Variants in FRMD6 observed in about 807,000 individuals in gnomAD.
FRMD6 encodes the protein FERM domain-containing protein 6.
A neutral mutation model predicts 73.2 loss-of-function variants in FRMD6; 37 were observed. That is an observed-to-expected ratio of 0.51 (90% CI 0.39 to 0.66). FRMD6 has a LOEUF of 0.66. FRMD6 is among the 30% of genes least tolerant of loss of function. FRMD6 has a pLI of 0.00. For synonymous variants in FRMD6, 273 were observed against 282.2 expected, an observed-to-expected ratio of 0.97 and a Z score of 0.33; for missense variants, 714 against 780.5, an observed-to-expected ratio of 0.91 and a Z score of 1.02.
chr14:51,438,819 C>G, the FRMD6 span, among the ~76,000 whole-genome samples: 3 of 152,188 alleles, frequency 2.0e-5, no homozygotes, highest in Non-Finnish European at 4.4e-5. Flanking sequence ...ATCAAATAGA[C>G]CTGGTGCTTT....
intron 1 of FRMD6, among the ~76,000 whole-genome samples, chr14:51,685,650 G>A (rs1413363439): frequency 6.6e-6 from 1 of 152,202 alleles, no homozygotes; most frequent in African/African-American, 2.4e-5. Flanking sequence ...CAGTATTTGT[G>A]TACTTAATAC....
Position 51,727,958 on chromosome 14 carries a change from C to T in FRMD6, c.1798C>T (p.Pro600Ser). ...GTGCATCAACATCCAAGATGCTTTT[C>T]CAGTCAAAAGAACCAGCAAATACTT... ...QQCINIQDAF[P>S]VKRTSKYFSL... The change falls in exon 14 of 14, where the codon CCA becomes TCA. Residue 600 changes from proline (P) to serine (S), a missense_variant. Transcript: ENST00000344768. 6.2e-7 allele frequency: 1 copy of T among 1,614,070 alleles called. No individual in the cohort carries two copies. Among genetic ancestry groups the T allele is most frequent in the Non-Finnish European group, 8.5e-7 (1 of 1,179,936 alleles).
chr14:51,459,629 C>T, the FRMD6 span, among the ~76,000 whole-genome samples: 1 of 151,856 alleles, frequency 6.6e-6, no homozygotes, highest in Non-Finnish European at 1.5e-5. Context: ...AGATTGAGAC[C>T]ATCCTGGCTA....
At position 51,625,455 on chromosome 14, in the gene FRMD6, C is replaced by G. The variant is rs982178413; in HGVS notation, c.-147+55045C>G. Reference sequence around the variant, plus strand: ...ATGGCCCTTTTGGGATTCCCCTTATCTTTTTTTTTTGTTGTTGTTGTTAAT... The same window carrying G: ...ATGGCCCTTTTGGGATTCCCCTTATGTTTTTTTTTTGTTGTTGTTGTTAAT... On this transcript the variant is annotated intron_variant, in intron 2 of 14. Transcript: ENST00000356218. Among the ~76,000 whole-genome samples, 3 of 85,470 alleles carry G rather than the reference C, an allele frequency of 3.5e-5. No individual in the cohort carries two copies. The South Asian group carries it at 1.1e-3, about 31-fold the overall frequency. 56.1% of individuals were successfully genotyped at this position (85,470 alleles called of 152,430 possible). A position where few individuals can be genotyped will look rare whatever the true frequency, so the allele number is the denominator to read the frequency against.
intron 1 of FRMD6, among the ~76,000 whole-genome samples, chr14:51,497,530 C>T (rs1435386926): frequency 6.6e-6 from 1 of 152,064 alleles, no homozygotes; most frequent in Non-Finnish European, 1.5e-5. Context: ...ATAATGCAAG[C>T]CACATGTGTG....
At chr14:51,670,926 C>T (rs58190656) in intron 1 of FRMD6, among the ~76,000 whole-genome samples, 2,777 of 152,254 alleles carry the variant, frequency 0.018, 93 homozygotes, top group African/African-American at 0.063. Context: ...GGATTACAGG[C>T]GTGGGCCACC....
the FRMD6 span, among the ~76,000 whole-genome samples, chr14:51,432,285 A>G: frequency 6.6e-6 from 1 of 152,204 alleles, no homozygotes; most frequent in Admixed American, 6.5e-5. Context: ...CATGGAAGTG[A>G]TGCCTAATGT....
intron 2 of FRMD6, among the ~76,000 whole-genome samples, chr14:51,581,561 A>G (rs1289416946): frequency 3.3e-5 from 5 of 152,230 alleles, no homozygotes; most frequent in African/African-American, 1.2e-4. Flanking sequence ...AAGCAAAACA[A>G]ACACATGGTG....
chr14:51,409,185 C>G, the FRMD6 span, among the ~76,000 whole-genome samples: 1 of 152,090 alleles, frequency 6.6e-6, no homozygotes, highest in Non-Finnish European at 1.5e-5. Flanking sequence ...CCTTCTGACC[C>G]TCTGTGTGCA....
chr14:51,436,538 C>G, the FRMD6 span: 1 of 655,328 alleles, frequency 1.5e-6, no homozygotes, highest in South Asian at 1.6e-5. Flanking sequence ...CTTCAAAGTC[C>G]ACTGAAATCA....
At chr14:51,440,049 G>T in the FRMD6 span, among the ~76,000 whole-genome samples, 4 of 152,118 alleles carry the variant, frequency 2.6e-5, no homozygotes, top group Admixed American at 2.6e-4. Flanking sequence ...TTAAAACAAA[G>T]AATTCAGCAG....
intron 2 of FRMD6, among the ~76,000 whole-genome samples, chr14:51,574,439 G>C (rs1398176054): frequency 6.6e-6 from 1 of 152,104 alleles, no homozygotes; most frequent in Non-Finnish European, 1.5e-5. Flanking sequence ...GAGACAAATG[G>C]ATAAAGAAAA....
chr14:51,630,450 CAAAG>C (rs1309231779), intron 2 of FRMD6, among the ~76,000 whole-genome samples: 1 of 151,996 alleles, frequency 6.6e-6, no homozygotes, highest in Non-Finnish European at 1.5e-5. Flanking sequence ...ATTAAAAAAA[CAAAG>C]AAGAAACATT....
chr14:51,593,875 A>G (rs1457146040), intron 2 of FRMD6, among the ~76,000 whole-genome samples: 1 of 152,082 alleles, frequency 6.6e-6, no homozygotes, highest in Non-Finnish European at 1.5e-5. Flanking sequence ...ATATATATGT[A>G]TATATATATG....
chr14:51,535,000 G>C (rs541718167), intron 1 of FRMD6, among the ~76,000 whole-genome samples: 1 of 152,326 alleles, frequency 6.6e-6, no homozygotes, highest in Non-Finnish European at 1.5e-5. Context: ...GGGAAGAGCA[G>C]TGAGCAGTTC....
At chr14:51,591,009 T>C (rs543112427) in intron 2 of FRMD6, among the ~76,000 whole-genome samples, 2 of 152,352 alleles carry the variant, frequency 1.3e-5, no homozygotes. Flanking sequence ...ATCTCACCAA[T>C]TCATTCTCAG....
chr14:51,518,175 T>A (rs1338617435), intron 1 of FRMD6, among the ~76,000 whole-genome samples: 1 of 152,230 alleles, frequency 6.6e-6, no homozygotes, highest in East Asian at 1.9e-4. Context: ...TATCAAAACT[T>A]AATCAAAACT....
At chr14:51,477,722 CTTTCTTTTCTTTTTCTTTTTTTTT>C in the FRMD6 span, among the ~76,000 whole-genome samples, 1 of 127,450 alleles carries the variant, frequency 7.8e-6, no homozygotes, top group African/African-American at 3.0e-5. Context: ...TTCTTTCTTT[CTTTCTTTTCTTTTTCTTTTTTTTT>C]TTTTTTTTTT....
the FRMD6 span, among the ~76,000 whole-genome samples, chr14:51,430,755 C>G: frequency 6.6e-6 from 1 of 152,158 alleles, no homozygotes; most frequent in African/African-American, 2.4e-5. Flanking sequence ...GTTTGCTACC[C>G]TTGGGTGGCA....
Sources: allele counts gnomAD v4.1 joint callset (sites outside exome capture counted in the v4.1 genomes callset), GRCh38; gene constraint gnomAD v4.1.1; transcripts MANE v1.5; gene names NCBI Gene and HGNC (gene_info 2026-07-23, HGNC 2026-07-21).